Variants in PAFAH1B1 observed in about 807,000 individuals in gnomAD.
PAFAH1B1 encodes platelet activating factor acetylhydrolase 1b regulatory subunit 1, also known as platelet-activating factor acetylhydrolase IB subunit beta.
A neutral mutation model predicts 57.5 loss-of-function variants in PAFAH1B1; 2 were observed. The ratio of observed to expected loss-of-function variants is 0.03; its 90% CI spans 0.01 to 0.11. PAFAH1B1 has a LOEUF of 0.11. Among genes scored for constraint, PAFAH1B1 ranks in the 10% least tolerant of loss-of-function variants. PAFAH1B1 has a pLI of 1.00. For synonymous variants in PAFAH1B1, 152 were observed against 169.6 expected, an observed-to-expected ratio of 0.90 and a Z score of 0.81; for missense variants, 257 against 512.0, an observed-to-expected ratio of 0.50 and a Z score of 4.81.
At chr17:2,645,567 T>TG (rs2151640056) in intron 2 of PAFAH1B1, among the ~76,000 whole-genome samples, 1 of 148,060 alleles carries the variant, frequency 6.8e-6, no homozygotes, top group African/African-American at 2.5e-5. Flanking sequence ...CACTCCAGCC[T>TG]GGGGGACAGA....
At chr17:2,612,436 G>C (rs1037125841) in intron 1 of PAFAH1B1, among the ~76,000 whole-genome samples, 1 of 151,882 alleles carries the variant, frequency 6.6e-6, no homozygotes, top group Non-Finnish European at 1.5e-5. Flanking sequence ...TCAAACTACC[G>C]ACCTCAGGTG....
At chr17:2,649,829 T>G (rs759099000) in intron 2 of PAFAH1B1, among the ~76,000 whole-genome samples, 4 of 152,220 alleles carry the variant, frequency 2.6e-5, no homozygotes, top group Non-Finnish European at 5.9e-5. Flanking sequence ...CTATCAGATA[T>G]ACAAATATTA....
chr17:2,599,049 C>A (rs1441795587), intron 1 of PAFAH1B1, among the ~76,000 whole-genome samples: 1 of 152,140 alleles, frequency 6.6e-6, no homozygotes, highest in African/African-American at 2.4e-5. Context: ...TTGAAACTTA[C>A]CTAGATAGGA....
chr17:2,670,606 TA>T, intron 6 of PAFAH1B1, among the ~76,000 whole-genome samples: 1 of 152,328 alleles, frequency 6.6e-6, no homozygotes, highest in Non-Finnish European at 1.5e-5. Context: ...GTATTTGAGT[TA>T]AAAATGGTTT....
chr17:2,625,217 C>T (rs1039694311), intron 1 of PAFAH1B1, among the ~76,000 whole-genome samples: 2 of 152,088 alleles, frequency 1.3e-5, no homozygotes, highest in African/African-American at 2.4e-5. Flanking sequence ...GCAACAGTGT[C>T]CTTGATATCA....
At position 2,621,736 on chromosome 17, in the gene PAFAH1B1, C is replaced by T. The variant is rs2068426949; in HGVS notation, c.-190-16363C>T. ...TGCATCCCAGGTGTTGCCCTCCCAC[C>T]TCAGCCTTCTGAGTAGCTGAGACTA... On this transcript the variant is annotated intron_variant, in intron 1 of 10. Coordinates refer to ENST00000397195, the MANE Select transcript of PAFAH1B1 (RefSeq NM_000430.4). Among the ~76,000 whole-genome samples, 3 of 151,032 alleles carry T rather than the reference C, an allele frequency of 2.0e-5. 1 individual carries two copies. In the South Asian group the frequency reaches 6.3e-4, roughly 32 times the overall value.
chr17:2,677,402 TC>T (rs1043234068), intron 9 of PAFAH1B1, among the ~76,000 whole-genome samples: 1 of 152,200 alleles, frequency 6.6e-6, no homozygotes, highest in Non-Finnish European at 1.5e-5. Context: ...CTAAAGGAGT[TC>T]CAAGGAGATC....
At chr17:2,641,966 A>G (rs962338423) in intron 2 of PAFAH1B1, 2 of 152,162 alleles carry the variant, frequency 1.3e-5, no homozygotes, top group Admixed American at 6.6e-5. Flanking sequence ...GGTTGTTAGC[A>G]ACATCTCTGG....
At position 2,680,781 on chromosome 17, in the gene PAFAH1B1, T is replaced by C. The variant is rs142586967; in HGVS notation, c.1159+461T>C. 15 of 240,516 alleles carry C rather than the reference T, an allele frequency of 6.2e-5. No homozygotes were observed. The East Asian group carries it at 1.7e-3, about 28-fold the overall frequency. 14.9% of individuals were successfully genotyped at this position (240,516 alleles called of 1,614,324 possible). Reference sequence around the variant, plus strand: ...TTAAGAGAGTGAATACAGTCAAGTATAATAAATGCACTAAAGTATAATGGA... The same window carrying C: ...TTAAGAGAGTGAATACAGTCAAGTACAATAAATGCACTAAAGTATAATGGA... On this transcript the variant is annotated intron_variant, in intron 10 of 10. Transcript: ENST00000397195.
At chr17:2,604,099 G>T (rs1236444659) in intron 1 of PAFAH1B1, among the ~76,000 whole-genome samples, 1 of 150,286 alleles carries the variant, frequency 6.7e-6, no homozygotes, top group Non-Finnish European at 1.5e-5. Flanking sequence ...GTGCAATGGC[G>T]TGATCTTGGC....
chr17:2,645,190 T>A (rs2068750970), intron 2 of PAFAH1B1, among the ~76,000 whole-genome samples: 1 of 152,266 alleles, frequency 6.6e-6, no homozygotes, highest in African/African-American at 2.4e-5. Context: ...GAGGCTGCAG[T>A]GAGCCATGAT....
At chr17:2,647,305 G>T (rs558796667) in intron 2 of PAFAH1B1, among the ~76,000 whole-genome samples, 43 of 152,294 alleles carry the variant, frequency 2.8e-4, no homozygotes, top group Admixed American at 2.5e-3. Context: ...GGTGGAGGTT[G>T]CAGTGAGCCG....
At chr17:2,595,874 T>A (rs1310982283) in intron 1 of PAFAH1B1, among the ~76,000 whole-genome samples, 3 of 152,268 alleles carry the variant, frequency 2.0e-5, no homozygotes, top group Non-Finnish European at 2.9e-5. Context: ...CATCCTTTTT[T>A]AAAAAAATGG....
intron 2 of PAFAH1B1, among the ~76,000 whole-genome samples, chr17:2,661,380 G>A (rs925067851): frequency 4.6e-5 from 7 of 152,252 alleles, no homozygotes; most frequent in East Asian, 1.9e-4. Flanking sequence ...TTCTGCATAT[G>A]GCTAACCAGT....
chr17:2,624,407 A>G (rs1349521799), intron 1 of PAFAH1B1, among the ~76,000 whole-genome samples: 3 of 152,142 alleles, frequency 2.0e-5, no homozygotes, highest in African/African-American at 4.8e-5. Flanking sequence ...CTTGCTGCTG[A>G]TACAGACATA....
chr17:2,623,894 C>T (rs970131502), intron 1 of PAFAH1B1, among the ~76,000 whole-genome samples: 3 of 152,082 alleles, frequency 2.0e-5, no homozygotes, highest in Non-Finnish European at 4.4e-5. Flanking sequence ...CCCACCTTGG[C>T]GTCCCAAAAT....
chr17:2,601,164 C>A (rs573277866), intron 1 of PAFAH1B1, among the ~76,000 whole-genome samples: 2 of 152,158 alleles, frequency 1.3e-5, no homozygotes, highest in African/African-American at 4.8e-5. Flanking sequence ...GACTGAGTCT[C>A]GTTCTTGTCG....
At chr17:2,612,928 C>T (rs1177288746) in intron 1 of PAFAH1B1, among the ~76,000 whole-genome samples, 2 of 151,720 alleles carry the variant, frequency 1.3e-5, no homozygotes, top group African/African-American at 2.4e-5. Context: ...GATTTTGTAC[C>T]ATAAGCCTAA....
At chr17:2,623,899 C>A (rs2151624978) in intron 1 of PAFAH1B1, among the ~76,000 whole-genome samples, 1 of 152,216 alleles carries the variant, frequency 6.6e-6, no homozygotes, top group East Asian at 1.9e-4. Context: ...CTTGGCGTCC[C>A]AAAATGCTAG....
Sources: gnomAD v4.1 joint callset for allele counts (sites outside exome capture counted in the v4.1 genomes callset) on GRCh38, gnomAD v4.1.1 for gene constraint, MANE v1.5 for transcripts, NCBI Gene and HGNC (gene_info 2026-07-23, HGNC 2026-07-21) for gene names.